Variants in DPYD observed in about 807,000 individuals in gnomAD.
DPYD encodes the protein dihydropyrimidine dehydrogenase [NADP(+)].
A neutral mutation model predicts 116.2 loss-of-function variants in DPYD; 109 were observed. The ratio of observed to expected loss-of-function variants is 0.94; its 90% CI spans 0.80 to 1.10. The LOEUF is 1.10. DPYD is among the 50% of genes least tolerant of loss of function. The probability of loss-of-function intolerance (pLI) is 0.00; values close to 1 mark genes in which losing one functional copy is unlikely to be tolerated. For synonymous variants in DPYD, 440 were observed against 432.0 expected (o/e 1.02, Z -0.23); for missense variants, 1,302 against 1,254.5 (o/e 1.04, Z -0.57).
chr1:97,899,313 A>G (rs1673240604), intron 1 of DPYD, among the ~76,000 whole-genome samples: 1 of 151,486 alleles, frequency 6.6e-6, no homozygotes, highest in African/African-American at 2.4e-5. Flanking sequence ...CTTATTGGCA[A>G]CTCTTCACAT....
At chr1:97,225,873 T>TTTTGAG (rs1443041905) in intron 19 of DPYD, among the ~76,000 whole-genome samples, 1 of 152,126 alleles carries the variant, frequency 6.6e-6, no homozygotes, top group African/African-American at 2.4e-5. Context: ...CTTTAATTCA[T>TTTTGAG]TTTGAGTTTG....
intron 18 of DPYD, among the ~76,000 whole-genome samples, chr1:97,243,103 C>G (rs1662484694): frequency 6.6e-6 from 1 of 151,842 alleles, no homozygotes; most frequent in Non-Finnish European, 1.5e-5. Flanking sequence ...GGCTACTTGA[C>G]AGCAAGATGC....
At chr1:97,144,488 T>C (rs752235548) in intron 20 of DPYD, among the ~76,000 whole-genome samples, 14 of 152,338 alleles carry the variant, frequency 9.2e-5, no homozygotes, top group Non-Finnish European at 1.9e-4. Context: ...TGAACAGCAA[T>C]ATTCATAATC....
chr1:97,667,261 C>T (rs958744105), intron 8 of DPYD, among the ~76,000 whole-genome samples: 7 of 152,082 alleles, frequency 4.6e-5, no homozygotes, highest in Admixed American at 3.3e-4. Context: ...CAATTCAAAA[C>T]TGGTCTTCAT....
chr1:97,433,489 T>C, intron 14 of DPYD, among the ~76,000 whole-genome samples: 1 of 152,196 alleles, frequency 6.6e-6, no homozygotes, highest in African/African-American at 2.4e-5. Context: ...TTCTGAAATT[T>C]AGTTCATTTA....
At chr1:97,789,049 C>T (rs936908078) in intron 3 of DPYD, among the ~76,000 whole-genome samples, 19 of 152,018 alleles carry the variant, frequency 1.2e-4, no homozygotes, top group South Asian at 4.1e-4. Flanking sequence ...TGCGATCTAC[C>T]GCCCACCTAG....
At chr1:97,627,734 T>C (rs1227002416) in intron 8 of DPYD, among the ~76,000 whole-genome samples, 1 of 152,016 alleles carries the variant, frequency 6.6e-6, no homozygotes, top group Non-Finnish European at 1.5e-5. Flanking sequence ...TATTCTATCT[T>C]GAAACATTTA....
chr1:97,865,080 G>A (rs999274393), intron 2 of DPYD, among the ~76,000 whole-genome samples: 2 of 151,880 alleles, frequency 1.3e-5, no homozygotes, highest in Non-Finnish European at 2.9e-5. Context: ...CTACTGCCTT[G>A]TATGTGTCTG....
intron 3 of DPYD, among the ~76,000 whole-genome samples, chr1:97,759,703 T>C (rs1665466960): frequency 6.6e-6 from 1 of 152,174 alleles, no homozygotes; most frequent in African/African-American, 2.4e-5. Context: ...GTATTTTTTG[T>C]TGTCCTAAAT....
At chr1:97,094,898 G>A (rs1022905043) in intron 21 of DPYD, among the ~76,000 whole-genome samples, 12 of 152,082 alleles carry the variant, frequency 7.9e-5, no homozygotes, top group African/African-American at 2.4e-4. Context: ...GAGACTACAC[G>A]CTGCTCTCTG....
At chr1:97,086,733 C>A (rs564067335) in intron 21 of DPYD, among the ~76,000 whole-genome samples, 2 of 131,822 alleles carry the variant, frequency 1.5e-5, no homozygotes, top group East Asian at 4.5e-4. Flanking sequence ...TTGTTAAGTT[C>A]TTAATATGAA....
intron 12 of DPYD, among the ~76,000 whole-genome samples, chr1:97,547,676 T>TTTGTTG (rs138810296): frequency 1.3e-5 from 2 of 152,014 alleles, no homozygotes; most frequent in Non-Finnish European, 2.9e-5. Flanking sequence ...CTCTCGTTGT[T>TTTGTTG]TTGTTGTTGT....
chr1:97,693,836 T>TAGA (rs1273100466), intron 6 of DPYD, among the ~76,000 whole-genome samples: 3 of 151,844 alleles, frequency 2.0e-5, no homozygotes, highest in Non-Finnish European at 4.4e-5. Flanking sequence ...GGATGTTAAG[T>TAGA]AGAAGCACAT....
chr1:97,234,800 T>C, intron 19 of DPYD, 52 bp downstream of exon 19: 1 of 1,609,760 alleles, frequency 6.2e-7, no homozygotes, highest in African/African-American at 1.3e-5. Context: ...TAACTTACAT[T>C]GCATTTGTGA....
chr1:97,654,949 T>G (rs1349010173), intron 8 of DPYD, among the ~76,000 whole-genome samples: 1 of 152,120 alleles, frequency 6.6e-6, no homozygotes, highest in Non-Finnish European at 1.5e-5. Flanking sequence ...AGGGTTTCCC[T>G]TATAAAACCA....
At chr1:97,740,551 T>C (rs774686390) in intron 3 of DPYD, 72 bp from the exon 4 acceptor site, 10 of 1,266,214 alleles carry the variant, frequency 7.9e-6, no homozygotes, top group Admixed American at 1.7e-5. Flanking sequence ...CTTATACTCA[T>C]TCAGAGTCCG....
At chr1:97,129,211 G>A (rs1325962662) in intron 20 of DPYD, among the ~76,000 whole-genome samples, 1 of 151,698 alleles carries the variant, frequency 6.6e-6, no homozygotes, top group Non-Finnish European at 1.5e-5. Context: ...CTACAGGCAC[G>A]TGCCACCACA....
chr1:97,858,342 CACA>C (rs140629444), intron 2 of DPYD, among the ~76,000 whole-genome samples: 8,552 of 152,184 alleles, frequency 0.056, 313 homozygotes, highest in South Asian at 0.1. Flanking sequence ...AATCCAGAAA[CACA>C]ACAAGTGTCT....
intron 21 of DPYD, among the ~76,000 whole-genome samples, chr1:97,097,259 C>T (rs896442015): frequency 4.6e-5 from 7 of 152,274 alleles, no homozygotes; most frequent in African/African-American, 1.4e-4. Flanking sequence ...CCTTTCGGAA[C>T]TCTGTATTGC....
Sources: allele counts gnomAD v4.1 joint callset (sites outside exome capture counted in the v4.1 genomes callset), GRCh38; gene constraint gnomAD v4.1.1; transcripts MANE v1.5; gene names NCBI Gene and HGNC (gene_info 2026-07-23, HGNC 2026-07-21).